The following ARMC3 variants were observed in gnomAD, a reference collection of about 807,000 sequenced individuals.
ARMC3 encodes armadillo repeat-containing protein 3.
In ARMC3, 74 loss-of-function variants were observed where a neutral mutation model predicts 90.3. The ratio of observed to expected loss-of-function variants is 0.82; its 90% CI spans 0.68 to 0.99. The LOEUF is 0.99. ARMC3 is among the 50% of genes least tolerant of loss of function. The pLI is 0.00. For missense variants in ARMC3, 958 were observed against 1,042.8 expected, an observed-to-expected ratio of 0.92 and a Z score of 1.12; for synonymous variants, 334 against 361.8, an observed-to-expected ratio of 0.92 and a Z score of 0.87.
At chr10:22,938,749 T>C (rs1834208019) in intron 2 of ARMC3, among the ~76,000 whole-genome samples, 1 of 152,128 alleles carries the variant, frequency 6.6e-6, no homozygotes, top group African/African-American at 2.4e-5. Context: ...TAATGCAGTG[T>C]GTTAAATTCA....
intron 2 of ARMC3, among the ~76,000 whole-genome samples, chr10:22,944,670 C>T (rs767698856): frequency 9.2e-5 from 14 of 152,166 alleles, no homozygotes; most frequent in Admixed American, 6.5e-4. Context: ...GTGAGGTCCT[C>T]GGGCATTCTG....
intron 18 of ARMC3, 32 bp downstream of exon 18, chr10:23,033,055 A>C (rs772065957): frequency 6.2e-7 from 1 of 1,604,874 alleles, no homozygotes; most frequent in Non-Finnish European, 8.5e-7. Flanking sequence ...ATTTGCCATT[A>C]AGTAAAAATG....
rs534545385 is a variant in ARMC3, at chr10:22,950,846, T to C, written c.166+4585T>C. 2.6e-5 allele frequency among the ~76,000 whole-genome samples: 4 copies of C among 151,322 alleles called. No homozygotes were observed. In the East Asian group the frequency reaches 7.8e-4, roughly 29 times the overall value. Reference sequence around the variant, plus strand: ...ATTAGTAACAGAAATATTAATATTATAAAAGTAAACAGAGAAAAGAGTAGT... The same window carrying C: ...ATTAGTAACAGAAATATTAATATTACAAAAGTAAACAGAGAAAAGAGTAGT... On this transcript the variant is annotated intron_variant, in intron 3 of 18. Transcript: ENST00000298032.
At chr10:23,036,673 G>T (rs1839136879) in intron 18 of ARMC3, among the ~76,000 whole-genome samples, 1 of 152,210 alleles carries the variant, frequency 6.6e-6, no homozygotes, top group African/African-American at 2.4e-5. Flanking sequence ...CTATAAAGTG[G>T]CTGAGTAGTC....
intron 4 of ARMC3, among the ~76,000 whole-genome samples, chr10:22,956,947 A>T (rs111441751): frequency 2.2e-3 from 327 of 151,988 alleles, no homozygotes; most frequent in African/African-American, 7.5e-3. Context: ...TATGAACAGG[A>T]TATATTTTCC....
intron 16 of ARMC3, among the ~76,000 whole-genome samples, chr10:23,010,417 CTCCCACCCCTTCCCT>C (rs1837883598): frequency 2.9e-5 from 1 of 34,208 alleles, no homozygotes; most frequent in African/African-American, 8.4e-5. Flanking sequence ...TCCCCTTTCC[CTCCCACCCCTTCCCT>C]TCCCTCCCCT....
chr10:23,003,485 A>G, intron 13 of ARMC3, 71 bp downstream of exon 13: 4 of 1,226,366 alleles, frequency 3.3e-6, no homozygotes, highest in East Asian at 5.3e-5. Flanking sequence ...ATGCCATTAC[A>G]TTGCCATTTC....
intron 2 of ARMC3, 33 bp downstream of exon 2, chr10:22,932,077 T>C (rs1156936686): frequency 6.5e-7 from 1 of 1,542,840 alleles, no homozygotes; most frequent in African/African-American, 1.4e-5. Context: ...AGTAGCACTT[T>C]AACAACCAGT....
chr10:22,952,906 T>C (rs911443353), intron 3 of ARMC3, among the ~76,000 whole-genome samples: 2 of 152,162 alleles, frequency 1.3e-5, no homozygotes, highest in Non-Finnish European at 2.9e-5. Context: ...CCGTGTGGGG[T>C]AGGTAGAAAA....
intron 10 of ARMC3, among the ~76,000 whole-genome samples, chr10:22,982,395 C>A (rs1057286345): frequency 1.1e-4 from 16 of 152,198 alleles, no homozygotes; most frequent in Non-Finnish European, 2.4e-4. Flanking sequence ...AACAAACAAA[C>A]AAACCAAAGC....
In ARMC3 at chr10:22,938,654, G is replaced by C. The variant is rs1834205815; in HGVS notation, c.48+6610G>C. Among the ~76,000 whole-genome samples, 4 of 152,142 alleles carry C rather than the reference G, an allele frequency of 2.6e-5. No individual in the cohort carries two copies. The South Asian group carries it at 8.3e-4, about 32-fold the overall frequency. On this transcript the variant is annotated intron_variant, in intron 2 of 18. Transcript: ENST00000298032. ...CTGATGGGTAGGACGTGGAGTGTGAGAAGGGGACAAGTTGAGAGATCAAGC... is the reference window on the plus strand; with the variant it reads ...CTGATGGGTAGGACGTGGAGTGTGACAAGGGGACAAGTTGAGAGATCAAGC...
intron 10 of ARMC3, among the ~76,000 whole-genome samples, chr10:22,989,012 GGA>G (rs1836584928): frequency 6.6e-6 from 1 of 152,046 alleles, no homozygotes; most frequent in African/African-American, 2.4e-5. Context: ...TTTCATTTTC[GGA>G]GAGTTCCATT....
At chr10:22,951,260 C>A (rs1015732349) in intron 3 of ARMC3, among the ~76,000 whole-genome samples, 3 of 151,966 alleles carry the variant, frequency 2.0e-5, no homozygotes, top group Non-Finnish European at 4.4e-5. Context: ...CAGTTATGTA[C>A]CAAATATGAG....
At chr10:22,959,825 A>G (rs1835116454) in intron 6 of ARMC3, 1 of 559,812 alleles carries the variant, frequency 1.8e-6, no homozygotes, top group South Asian at 1.6e-5. Context: ...AAAGAATAGA[A>G]TGGCATTCAA....
At chr10:23,021,878 C>A (rs2131540257) in intron 16 of ARMC3, among the ~76,000 whole-genome samples, 1 of 152,138 alleles carries the variant, frequency 6.6e-6, no homozygotes, top group East Asian at 1.9e-4. Flanking sequence ...CTTCTGTTGA[C>A]CATGTGGCTT....
chr10:22,999,644 T>A (rs1837186603), intron 11 of ARMC3, among the ~76,000 whole-genome samples: 1 of 152,192 alleles, frequency 6.6e-6, no homozygotes, highest in South Asian at 2.1e-4. Context: ...ATATTACAGA[T>A]GAGGAAAATG....
Position 23,008,332 on chromosome 10 carries a change from C to T in ARMC3, c.1886C>T (p.Ser629Phe). ...GATGTTGGTTATGGACGAAGTATTT[C>T]TTCTTCATCTTCCTTAAGAAGATCA... is the stretch of plus-strand genomic sequence containing the variant. ...KSDVGYGRSI[S>F]SSSSLRRSSK... The change falls in exon 15 of 19, where the codon TCT (serine) becomes TTT (phenylalanine). Residue 629 changes from serine to phenylalanine, a missense_variant. Physicochemically the swap from Ser to Phe is radical, Grantham distance 155. Transcript: ENST00000298032. 1 of 1,550,958 alleles carries T rather than the reference C, an allele frequency of 6.4e-7. No individual in the cohort carries two copies. The highest frequency in any genetic ancestry group is 8.8e-7 in the Non-Finnish European group (1 of 1,136,578).
At chr10:22,997,439 T>C (rs1315103727) in intron 10 of ARMC3, 1 of 152,218 alleles carries the variant, frequency 6.6e-6, no homozygotes, top group Non-Finnish European at 1.5e-5. Flanking sequence ...GTAACTGTAG[T>C]CTTTTACTAG....
chr10:22,937,155 G>A (rs990588085), intron 2 of ARMC3, among the ~76,000 whole-genome samples: 2 of 151,998 alleles, frequency 1.3e-5, no homozygotes, highest in African/African-American at 2.4e-5. Context: ...TTCCCCCCTC[G>A]GCCTCCCAAA....
Sources: gnomAD v4.1 joint callset for allele counts (sites outside exome capture counted in the v4.1 genomes callset) on GRCh38, gnomAD v4.1.1 for gene constraint, MANE v1.5 for transcripts, NCBI Gene and HGNC (gene_info 2026-07-23, HGNC 2026-07-21) for gene names.